ENPP6: variants seen among roughly 807,000 people sequenced by gnomAD.
ENPP6 encodes glycerophosphocholine cholinephosphodiesterase ENPP6.
Under a neutral mutation model 42.0 loss-of-function variants are expected in ENPP6, and 32 were observed. The observed-to-expected ratio is 0.76, with a 90% confidence interval of 0.58 to 1.02. ENPP6 has a LOEUF of 1.02. Ranked by LOEUF, ENPP6 falls within the 50% of genes least tolerant of loss-of-function variation. The pLI is 0.00. For synonymous variants in ENPP6, 213 were observed against 216.0 expected (o/e 0.99, Z 0.12); for missense variants, 552 against 566.8 (o/e 0.97, Z 0.27).
Position 184,117,802 on chromosome 4 carries a change from T to C in ENPP6, c.632A>G (p.Lys211Arg), listed in dbSNP as rs1236036442. Residue 211 changes from lysine (K) to arginine (R), a missense_variant, in exon 4 of 8, where the codon AAG becomes AGG. By Grantham distance (26) the Lys-to-Arg change is conservative (BLOSUM62 2). This residue lies in a region of ENPP6 where 545 missense variants were observed against 546.3 expected (regional missense o/e 1.00). Coordinates refer to ENST00000296741, the MANE Select transcript of ENPP6 (RefSeq NM_153343.4). The stretch of plus-strand genomic sequence containing the variant: ...GTACTTCAGGACAGTGTCTACAGCC[T>C]TGAGGGCATCTTTCCTCTGCGGAGA... ...PASPQRKDAL[K>R]AVDTVLKYMT... The C allele has an allele frequency of 1.9e-6, 3 of 1,614,126 alleles. No individual in the cohort carries two copies. Among genetic ancestry groups the C allele is most frequent in the South Asian group, 1.1e-5 (1 of 91,086 alleles).
At chr4:184,154,400 A>C (rs1737118808) in intron 1 of ENPP6, among the ~76,000 whole-genome samples, 1 of 152,228 alleles carries the variant, frequency 6.6e-6, no homozygotes, top group Non-Finnish European at 1.5e-5. Flanking sequence ...CATTAGGCTT[A>C]AATTATTTAT....
chr4:184,134,007 G>A (rs1736687129), intron 2 of ENPP6, among the ~76,000 whole-genome samples: 1 of 151,692 alleles, frequency 6.6e-6, no homozygotes, highest in African/African-American at 2.4e-5. Flanking sequence ...ATAGATTCAG[G>A]ATGCAAATAC....
intron 6 of ENPP6, among the ~76,000 whole-genome samples, chr4:184,098,734 G>T (rs890769748): frequency 6.6e-6 from 1 of 152,188 alleles, no homozygotes; most frequent in African/African-American, 2.4e-5. Flanking sequence ...AGAAGGCTTT[G>T]CAAGTCCTAC....
chr4:184,176,598 G>A (rs984281947), intron 1 of ENPP6, among the ~76,000 whole-genome samples: 1 of 152,154 alleles, frequency 6.6e-6, no homozygotes, highest in African/African-American at 2.4e-5. Flanking sequence ...TAAGGATCGA[G>A]TCCTAAACAC....
rs570654274 is a variant in ENPP6, at chr4:184,180,971, AC to A, written c.242-27239del. ...GCACAAGACAAGGGTGTTCTCTCTC[AC>A]CATTCCTAGTCAACATAGTATTGGA... On this transcript the variant is annotated intron_variant, in intron 1 of 7. Coordinates refer to ENST00000296741, the MANE Select transcript of ENPP6 (RefSeq NM_153343.4). Among the ~76,000 whole-genome samples the A allele has an allele frequency of 3.3e-4, 50 of 152,320 alleles. No individual in the cohort carries two copies. The South Asian group carries it at 0.01, about 31-fold the overall frequency.
At chr4:184,143,884 G>GAC (rs1217831316) in intron 2 of ENPP6, among the ~76,000 whole-genome samples, 2 of 152,228 alleles carry the variant, frequency 1.3e-5, no homozygotes, top group Non-Finnish European at 2.9e-5. Context: ...CACTGTAGCT[G>GAC]AACAGGAGGG....
At chr4:184,181,172 C>T (rs1732545697) in intron 1 of ENPP6, among the ~76,000 whole-genome samples, 1 of 152,174 alleles carries the variant, frequency 6.6e-6, no homozygotes, top group South Asian at 2.1e-4. Flanking sequence ...TCTCAGGATA[C>T]AAAATCAATG....
chr4:184,195,372 C>T (rs1732779224), intron 1 of ENPP6, among the ~76,000 whole-genome samples: 1 of 152,174 alleles, frequency 6.6e-6, no homozygotes, highest in Non-Finnish European at 1.5e-5. Context: ...TAAGTGACAA[C>T]ATGTGGTATT....
chr4:184,154,155 T>C (rs1737114573), intron 1 of ENPP6, among the ~76,000 whole-genome samples: 1 of 152,238 alleles, frequency 6.6e-6, no homozygotes, highest in South Asian at 2.1e-4. Flanking sequence ...GTTATAGCGT[T>C]TATTCTTTCC....
rs78621308 is a variant in ENPP6 at position 184,184,761 on chromosome 4, C to A, written c.242-31028G>T. 6.6e-6 allele frequency among the ~76,000 whole-genome samples: 1 copy of A among 152,092 alleles called. No individual in the cohort carries two copies. The highest frequency in any genetic ancestry group is 1.5e-5 in the Non-Finnish European group (1 of 68,010). ...GCCCAAAAAGGCCAAGGAATTCTGGCGGCACCAGCAGCTGGAGGACAGTCA... is the reference window on the plus strand; with the variant it reads ...GCCCAAAAAGGCCAAGGAATTCTGGAGGCACCAGCAGCTGGAGGACAGTCA... On this transcript the variant is annotated intron_variant, in intron 1 of 7. Transcript: ENST00000296741. The surrounding 1 kb of genome is among the most constrained non-coding windows in gnomAD (Gnocchi z 4.7).
At chr4:184,155,518 G>A (rs752882560) in intron 1 of ENPP6, among the ~76,000 whole-genome samples, 19 of 152,196 alleles carry the variant, frequency 1.2e-4, no homozygotes, top group Non-Finnish European at 2.4e-4. Context: ...TTGGAAGGGG[G>A]TGTGGGAAGC....
intron 1 of ENPP6, among the ~76,000 whole-genome samples, chr4:184,163,314 C>T (rs1737297111): frequency 6.6e-6 from 1 of 152,084 alleles, no homozygotes; most frequent in South Asian, 2.1e-4. Flanking sequence ...ACTCCCTGCC[C>T]TTTGTATATA....
chr4:184,115,358 G>A (rs115957366), intron 5 of ENPP6, among the ~76,000 whole-genome samples: 6 of 152,272 alleles, frequency 3.9e-5, no homozygotes, highest in East Asian at 3.9e-4. Flanking sequence ...CTAGGAACTC[G>A]GGGGACAAGC....
At chr4:184,096,740 A>G (rs932958284) in intron 7 of ENPP6, among the ~76,000 whole-genome samples, 1 of 152,160 alleles carries the variant, frequency 6.6e-6, no homozygotes, top group African/African-American at 2.4e-5. Context: ...AGTCAGGCTC[A>G]AGGTCATTTC....
At chr4:184,156,317 C>T (rs567049708) in intron 1 of ENPP6, among the ~76,000 whole-genome samples, 8 of 152,134 alleles carry the variant, frequency 5.3e-5, no homozygotes, top group African/African-American at 1.2e-4. Flanking sequence ...TTGGAACAGT[C>T]GAAGTCGACT....
Position 184,210,170 on chromosome 4 carries a change from T to C in ENPP6, c.241+7409A>G, listed in dbSNP as rs868300545. Among the ~76,000 whole-genome samples the C allele has an allele frequency of 6.3e-3, 935 of 147,276 alleles. 21 individuals carry two copies. Among genetic ancestry groups the C allele is most frequent in the African/African-American group, 0.022 (879 of 39,400 alleles). ...AAGACCATCGAGACTAGGAAGAAAC[T>C]GCATCAACTAACGAGCAAAATCACC... On this transcript the variant is annotated intron_variant, in intron 1 of 7. Coordinates refer to ENST00000296741, the MANE Select transcript of ENPP6 (RefSeq NM_153343.4).
At chr4:184,116,017 C>T (rs1362845619) in intron 5 of ENPP6, among the ~76,000 whole-genome samples, 2 of 151,714 alleles carry the variant, frequency 1.3e-5, no homozygotes, top group Non-Finnish European at 2.9e-5. Context: ...AGATCGAGAC[C>T]ATCCTGGTTA....
chr4:184,152,651 C>G (rs1737074781), intron 2 of ENPP6, among the ~76,000 whole-genome samples: 1 of 152,150 alleles, frequency 6.6e-6, no homozygotes, highest in South Asian at 2.1e-4. Context: ...ATGAATCCCA[C>G]CAATGGAAAG....
At chr4:184,209,913 G>A (rs1733080523) in intron 1 of ENPP6, among the ~76,000 whole-genome samples, 1 of 135,062 alleles carries the variant, frequency 7.4e-6, no homozygotes, top group African/African-American at 3.1e-5. Flanking sequence ...CAAGCCAGAA[G>A]AGAGTGGGGG....
Sources: gnomAD v4.1 joint callset for allele counts (sites outside exome capture counted in the v4.1 genomes callset) on GRCh38, gnomAD v4.1.1 for gene constraint, gnomAD v4.1.1 regional missense constraint, Gnocchi (gnomAD v3.1) non-coding constraint, MANE v1.5 for transcripts, NCBI Gene and HGNC (gene_info 2026-07-23, HGNC 2026-07-21) for gene names.